The following ENOX1 variants were observed in gnomAD, a reference collection of about 807,000 sequenced individuals.
The protein encoded by ENOX1 is candidate growth-related and time keeping constitutive hydroquinone (NADH) oxidase.
Under a neutral mutation model 82.5 loss-of-function variants are expected in ENOX1, and 42 were observed. That is an observed-to-expected ratio of 0.51 (90% CI 0.40 to 0.66). The LOEUF is 0.66. ENOX1 is among the 30% of genes least tolerant of loss of function. ENOX1 has a pLI of 0.00. For missense variants in ENOX1, 608 were observed against 811.6 expected (o/e 0.75, Z 3.05); for synonymous variants, 271 against 282.2 (o/e 0.96, Z 0.40).
At chr13:43,460,228 T>C (rs1185221276) in intron 3 of ENOX1, among the ~76,000 whole-genome samples, 1 of 152,188 alleles carries the variant, frequency 6.6e-6, no homozygotes, top group Admixed American at 6.5e-5. Context: ...CCCTCCTTCA[T>C]CTTAACTGCA....
At chr13:43,368,277 G>A (rs932578555) in intron 5 of ENOX1, among the ~76,000 whole-genome samples, 9 of 152,178 alleles carry the variant, frequency 5.9e-5, no homozygotes, top group Admixed American at 3.3e-4. Flanking sequence ...AGGATGCAAC[G>A]CTGGCAGAAC....
chr13:43,678,275 T>A (rs929368377), intron 1 of ENOX1, among the ~76,000 whole-genome samples: 11 of 152,268 alleles, frequency 7.2e-5, no homozygotes, highest in Middle Eastern at 3.4e-3. Flanking sequence ...CTCAAAAAAA[T>A]TCCTCAAATA....
intron 2 of ENOX1, among the ~76,000 whole-genome samples, chr13:43,551,509 T>TA (rs2153699818): frequency 6.6e-6 from 1 of 152,358 alleles, no homozygotes; most frequent in East Asian, 1.9e-4. Context: ...ACCCATTTTT[T>TA]ATCTTTTAAG....
intron 2 of ENOX1, among the ~76,000 whole-genome samples, chr13:43,551,701 A>G (rs2079202208): frequency 1.3e-5 from 2 of 152,312 alleles, no homozygotes; most frequent in South Asian, 4.1e-4. Flanking sequence ...CCCGATCATG[A>G]TGGCAAAATT....
Position 43,413,000 on chromosome 13 carries a change from G to A in ENOX1, c.-74-12C>T, listed in dbSNP as rs1420624072. On this transcript the variant is annotated splice_polypyrimidine_tract_variant and intron_variant, in intron 3 of 16. Coordinates refer to ENST00000690772, the MANE Select transcript of ENOX1 (RefSeq NM_001347969.2). ...GAGGTCATCAGATTCTGCAAAACGGGACAGAAGTGTGGTGAGAAACCTTAA... is the reference window on the plus strand; with the variant it reads ...GAGGTCATCAGATTCTGCAAAACGGAACAGAAGTGTGGTGAGAAACCTTAA... 6.4e-6 allele frequency: 10 copies of A among 1,555,074 alleles called. No homozygotes were observed. Among genetic ancestry groups the A allele is most frequent in the Non-Finnish European group, 8.7e-6 (10 of 1,150,164 alleles).
At chr13:43,385,318 T>G (rs1434119451) in intron 5 of ENOX1, among the ~76,000 whole-genome samples, 1 of 152,012 alleles carries the variant, frequency 6.6e-6, no homozygotes, top group Non-Finnish European at 1.5e-5. Flanking sequence ...ACAGCCTAAA[T>G]CAATTCAAAC....
intron 1 of ENOX1, among the ~76,000 whole-genome samples, chr13:43,762,685 A>C (rs1951052153): frequency 6.6e-6 from 1 of 152,114 alleles, no homozygotes; most frequent in Admixed American, 6.5e-5. Context: ...TTGAAAATGC[A>C]CTCATGGTAG....
At position 43,659,041 on chromosome 13, in the gene ENOX1, T is replaced by C. The variant is rs1407100161; in HGVS notation, c.-219+8438A>G. On this transcript the variant is annotated intron_variant, in intron 2 of 16. Transcript: ENST00000690772. ...AGAACCAATCCTCTAAGCTTCTTAT[T>C]TTTTCTACGTTATTTTCTATTCTTT... Among the ~76,000 whole-genome samples the C allele has an allele frequency of 2.0e-5, 3 of 152,290 alleles. 1 individual carries two copies. In the East Asian group the frequency reaches 5.8e-4, roughly 29 times the overall value.
rs2043191885 is a variant in ENOX1, at chr13:43,247,858, TATATATATATATATATATA to T, written c.1612-11139_1612-11121del. 6.0e-3 allele frequency among the ~76,000 whole-genome samples: 23 copies of T among 3,840 alleles called. 1 individual carries two copies. Among genetic ancestry groups the T allele is most frequent in the Non-Finnish European group, 7.3e-3 (16 of 2,186 alleles). 2.5% of individuals were successfully genotyped at this position (3,840 alleles called of 152,430 possible). Reference sequence around the variant, plus strand: ...ATATATATATATATATATATATATATATATATATATATATATATATATATATTTTTTTTTTTTTTTTTTT... The same window carrying T: ...ATATATATATATATATATATATATATTATATATTTTTTTTTTTTTTTTTTT... On this transcript the variant is annotated intron_variant, in intron 14 of 16. Coordinates refer to ENST00000690772, the MANE Select transcript of ENOX1 (RefSeq NM_001347969.2).
At chr13:43,754,067 C>T (rs866011081) in intron 1 of ENOX1, among the ~76,000 whole-genome samples, 5 of 140,994 alleles carry the variant, frequency 3.5e-5, no homozygotes, top group South Asian at 2.2e-4. Flanking sequence ...TACATATATA[C>T]GTATATAAAT....
At chr13:43,592,030 C>G (rs2081269266) in intron 2 of ENOX1, among the ~76,000 whole-genome samples, 1 of 151,732 alleles carries the variant, frequency 6.6e-6, no homozygotes, top group African/African-American at 2.4e-5. Flanking sequence ...CAAGAGCATC[C>G]CAGAGCCCCT....
chr13:43,609,572 G>A (rs2082114188), intron 2 of ENOX1, among the ~76,000 whole-genome samples: 1 of 152,174 alleles, frequency 6.6e-6, no homozygotes, highest in Middle Eastern at 3.2e-3. Flanking sequence ...AAAAGTCTAA[G>A]ATTCAAATCT....
chr13:43,337,259 C>T (rs2048766911), intron 9 of ENOX1, among the ~76,000 whole-genome samples: 2 of 152,074 alleles, frequency 1.3e-5, no homozygotes, highest in South Asian at 2.1e-4. Context: ...TATGTGCTTA[C>T]AAGAATTATG....
At chr13:43,355,791 C>T in intron 8 of ENOX1, 128 bp downstream of exon 8, 1 of 981,342 alleles carries the variant, frequency 1.0e-6, no homozygotes, top group Non-Finnish European at 1.5e-6. Flanking sequence ...ACACCAGACT[C>T]TTACAGCCTT....
intron 15 of ENOX1, among the ~76,000 whole-genome samples, chr13:43,227,848 T>G (rs1205934013): frequency 6.6e-6 from 1 of 152,146 alleles, no homozygotes; most frequent in Non-Finnish European, 1.5e-5. Context: ...TCCCAAGCTT[T>G]TCCTGTGGAT....
At chr13:43,558,127 G>A (rs932364170) in intron 2 of ENOX1, among the ~76,000 whole-genome samples, 5 of 152,194 alleles carry the variant, frequency 3.3e-5, no homozygotes, top group African/African-American at 1.2e-4. Flanking sequence ...CCAACCTGGT[G>A]CTGAGCTGTC....
intron 9 of ENOX1, among the ~76,000 whole-genome samples, chr13:43,336,002 A>G (rs1331699511): frequency 3.3e-5 from 5 of 152,238 alleles, no homozygotes; most frequent in Non-Finnish European, 7.3e-5. Flanking sequence ...TACAGCCATC[A>G]GTACAATTTT....
intron 2 of ENOX1, among the ~76,000 whole-genome samples, chr13:43,497,167 C>A (rs566385222): frequency 7.3e-4 from 111 of 152,160 alleles, no homozygotes; most frequent in Non-Finnish European, 1.5e-3. Flanking sequence ...TTTTTAGACT[C>A]CATAGGATTT....
chr13:43,493,439 G>A (rs1405051861), intron 2 of ENOX1, among the ~76,000 whole-genome samples: 3 of 152,122 alleles, frequency 2.0e-5, no homozygotes, highest in Non-Finnish European at 4.4e-5. Context: ...GGGCATTGCT[G>A]GTGTAAGTCT....
Sources: allele counts gnomAD v4.1 joint callset (sites outside exome capture counted in the v4.1 genomes callset), GRCh38; gene constraint gnomAD v4.1.1; transcripts MANE v1.5; gene names NCBI Gene and HGNC (gene_info 2026-07-23, HGNC 2026-07-21).